Variants in GPC6 observed in about 807,000 individuals in gnomAD.
GPC6 encodes the protein glypican 6, also known as glypican-6.
A neutral mutation model predicts 55.2 loss-of-function variants in GPC6; 14 were observed. That is an observed-to-expected ratio of 0.25 (90% CI 0.17 to 0.40). GPC6 has a LOEUF of 0.40. Ranked by LOEUF, GPC6 falls within the 10% of genes least tolerant of loss-of-function variation. The pLI is 1.00. For missense variants in GPC6, 641 were observed against 708.5 expected, an observed-to-expected ratio of 0.90 and a Z score of 1.08; for synonymous variants, 278 against 259.6, an observed-to-expected ratio of 1.07 and a Z score of -0.68.
chr13:93,636,916 A>G (rs1444710527), intron 2 of GPC6, among the ~76,000 whole-genome samples: 1 of 147,632 alleles, frequency 6.8e-6, no homozygotes, highest in Non-Finnish European at 1.5e-5. Flanking sequence ...ACAGCACAGA[A>G]TAATGGTATA....
chr13:93,409,904 T>C (rs1246094637), intron 1 of GPC6, among the ~76,000 whole-genome samples: 1 of 152,304 alleles, frequency 6.6e-6, no homozygotes, highest in East Asian at 1.9e-4. Context: ...TAAGAGTCAT[T>C]TGTTCATTTC....
chr13:93,836,346 T>G (rs1704658759), intron 3 of GPC6, among the ~76,000 whole-genome samples: 1 of 152,200 alleles, frequency 6.6e-6, no homozygotes, highest in African/African-American at 2.4e-5. Flanking sequence ...AGCGTTTGCT[T>G]TTGAGAAAGA....
chr13:93,319,031 C>T (rs1821367883), intron 1 of GPC6, among the ~76,000 whole-genome samples: 1 of 152,054 alleles, frequency 6.6e-6, no homozygotes, highest in African/African-American at 2.4e-5. Context: ...TCTCACAATA[C>T]ACAGTGAGAT....
At chr13:94,088,110 G>A (rs1007973) in intron 4 of GPC6, among the ~76,000 whole-genome samples, 121,176 of 152,034 alleles carry the variant, frequency 0.8, 48,565 homozygotes, top group South Asian at 0.88. Context: ...TTTCATAACC[G>A]TTCAGAAATC....
intron 4 of GPC6, among the ~76,000 whole-genome samples, chr13:94,078,561 C>T (rs1884997503): frequency 6.6e-6 from 1 of 151,794 alleles, no homozygotes; most frequent in Non-Finnish European, 1.5e-5. Flanking sequence ...AAAGAAGAGA[C>T]ATTAAAAATT....
intron 1 of GPC6, among the ~76,000 whole-genome samples, chr13:93,241,604 C>G (rs1876431566): frequency 1.3e-5 from 2 of 152,086 alleles, no homozygotes; most frequent in Non-Finnish European, 2.9e-5. Flanking sequence ...TTGACTTCCT[C>G]TTGGATCTCA....
At chr13:93,747,672 A>G (rs1884444114) in intron 2 of GPC6, among the ~76,000 whole-genome samples, 1 of 152,232 alleles carries the variant, frequency 6.6e-6, no homozygotes, top group Non-Finnish European at 1.5e-5. Context: ...TCATTAAGAA[A>G]TAGGATTTGT....
intron 1 of GPC6, among the ~76,000 whole-genome samples, chr13:93,427,606 A>T (rs1877190202): frequency 6.6e-6 from 1 of 152,194 alleles, no homozygotes; most frequent in African/African-American, 2.4e-5. Flanking sequence ...TGCTATCAAT[A>T]AATTTCCTAT....
chr13:93,437,738 T>C (rs759827474), intron 1 of GPC6, among the ~76,000 whole-genome samples: 1 of 152,204 alleles, frequency 6.6e-6, no homozygotes, highest in Non-Finnish European at 1.5e-5. Context: ...ATGAAGAAGC[T>C]GTAGCAAGTT....
chr13:93,401,809 C>A lies in GPC6; in HGVS notation c.161-143454C>A, dbSNP rs144532047. Among the ~76,000 whole-genome samples, 768 of 149,528 alleles carry A rather than the reference C, an allele frequency of 5.1e-3. 6 individuals carry two copies. Among genetic ancestry groups the A allele is most frequent in the African/African-American group, 0.018 (721 of 40,634 alleles). On this transcript the variant is annotated intron_variant, in intron 1 of 8. Transcript: ENST00000377047. ...TCATATATAGTTATTTATTTATATA[C>A]CTGCCCTTTGGTTAATATCCATTAA... is the stretch of plus-strand genomic sequence containing the variant.
At chr13:93,971,980 G>C (rs1187256970) in intron 3 of GPC6, among the ~76,000 whole-genome samples, 1 of 152,192 alleles carries the variant, frequency 6.6e-6, no homozygotes, top group East Asian at 1.9e-4. Context: ...AGCTCAGCCT[G>C]GTTGCATGAC....
At chr13:93,419,811 A>T (rs1876856585) in intron 1 of GPC6, among the ~76,000 whole-genome samples, 1 of 152,104 alleles carries the variant, frequency 6.6e-6, no homozygotes, top group South Asian at 2.1e-4. Context: ...TTTGGAGATG[A>T]CACTGTTTCT....
chr13:93,727,498 C>T (rs909078596), intron 2 of GPC6, among the ~76,000 whole-genome samples: 4 of 143,014 alleles, frequency 2.8e-5, no homozygotes, highest in Non-Finnish European at 4.8e-5. Flanking sequence ...TGCCCTTCCC[C>T]GTGGTTTATG....
intron 3 of GPC6, among the ~76,000 whole-genome samples, chr13:93,993,078 A>G (rs1027864365): frequency 6.6e-6 from 1 of 152,166 alleles, no homozygotes; most frequent in African/African-American, 2.4e-5. Context: ...AGGAAATGGT[A>G]GTTGATTAGA....
chr13:93,486,322 C>A lies in GPC6; in HGVS notation c.161-58941C>A, dbSNP rs569512046. On this transcript the variant is annotated intron_variant, in intron 1 of 8. Transcript: ENST00000377047. ...TGACAAGGAAGAGACATATGTAGCT[C>A]CAAATGTTCATGGCCTGCAGTGGTC... is the stretch of plus-strand genomic sequence containing the variant. Among the ~76,000 whole-genome samples the A allele has an allele frequency of 4.6e-5, 7 of 152,134 alleles. No homozygotes were observed. The East Asian group carries it at 1.4e-3, about 29-fold the overall frequency.
At chr13:94,290,281 C>T (rs933691971) in intron 5 of GPC6, among the ~76,000 whole-genome samples, 2 of 151,554 alleles carry the variant, frequency 1.3e-5, no homozygotes, top group African/African-American at 2.4e-5. Context: ...ATTAGCCCAG[C>T]GTGGTGGTAT....
chr13:93,540,191 C>A (rs1456005369), intron 1 of GPC6, among the ~76,000 whole-genome samples: 2 of 152,036 alleles, frequency 1.3e-5, no homozygotes, highest in Admixed American at 1.3e-4. Flanking sequence ...TTTTTTCATT[C>A]TTCACAGCTA....
At chr13:93,226,353 A>T (rs1182701401), upstream of GPC6, among the ~76,000 whole-genome samples, 1 of 152,194 alleles carries the variant, frequency 6.6e-6, no homozygotes, top group African/African-American at 2.4e-5. Flanking sequence ...TTGAGTCTAG[A>T]ACCAAACCTT....
chr13:93,968,518 T>C (rs1880146786), intron 3 of GPC6, among the ~76,000 whole-genome samples: 1 of 152,164 alleles, frequency 6.6e-6, no homozygotes, highest in African/African-American at 2.4e-5. Context: ...ATATTCAGAG[T>C]GTGCTTTCTT....
Sources: gnomAD v4.1 joint callset for allele counts (sites outside exome capture counted in the v4.1 genomes callset) on GRCh38, gnomAD v4.1.1 for gene constraint, MANE v1.5 for transcripts, NCBI Gene and HGNC (gene_info 2026-07-23, HGNC 2026-07-21) for gene names.